The following LMO7 variants were observed in gnomAD, a reference collection of about 807,000 sequenced individuals.
LMO7 encodes the protein LIM domain only protein 7.
In LMO7, 120 loss-of-function variants were observed where a neutral mutation model predicts 206.5. The ratio of observed to expected loss-of-function variants is 0.58; its 90% CI spans 0.50 to 0.68. The LOEUF (loss-of-function observed/expected upper bound fraction) is 0.68, where lower values mean the gene tolerates loss of function less well. Ranked by LOEUF, LMO7 falls within the 30% of genes least tolerant of loss-of-function variation. The pLI, the probability that LMO7 is intolerant of heterozygous loss-of-function variation, is 0.00. For synonymous variants in LMO7, 706 were observed against 681.5 expected (o/e 1.04, Z -0.56); for missense variants, 1,959 against 1,957.9 (o/e 1.00, Z -0.01).
At chr13:75,626,588 TATATAAA>T (rs1295255794) in intron 2 of LMO7, among the ~76,000 whole-genome samples, 6 of 118,174 alleles carry the variant, frequency 5.1e-5, no homozygotes, top group South Asian at 2.5e-4. Flanking sequence ...TATATATATA[TATATAAA>T]TTTTTTTGAG....
chr13:75,790,652 C>A (rs900215579), intron 4 of LMO7, among the ~76,000 whole-genome samples: 7 of 152,122 alleles, frequency 4.6e-5, no homozygotes, highest in Admixed American at 6.5e-5. Context: ...CTAGAGCTTC[C>A]TGGTTCTAAG....
chr13:75,855,330 G>A lies in LMO7; in HGVS notation c.4732G>A (p.Glu1578Lys), dbSNP rs1442514243. 3 of 1,613,696 alleles carry A rather than the reference G, an allele frequency of 1.9e-6. No individual in the cohort carries two copies. Among genetic ancestry groups the A allele is most frequent in the East Asian group, 2.2e-5 (1 of 44,878 alleles). Residue 1578 changes from glutamate to lysine, a missense_variant, in exon 29 of 31, where the codon GAG becomes AAG. Transcript: ENST00000377534. ...GGGCAAAGGAGCCGCCATGATCATCGAGTCCCTGGGTCTTTGTTATCATTT... is the reference window on the plus strand; with the variant it reads ...GGGCAAAGGAGCCGCCATGATCATCAAGTCCCTGGGTCTTTGTTATCATTT... ...ILGKGAAMII[E>K]SLGLCYHLHC...
intron 3 of LMO7, among the ~76,000 whole-genome samples, chr13:75,756,490 C>T (rs542764316): frequency 6.6e-6 from 1 of 152,240 alleles, no homozygotes; most frequent in South Asian, 2.1e-4. Flanking sequence ...TTTAGGGTGG[C>T]ACCAAGAATC....
chr13:75,735,526 A>G (rs1196840367), intron 3 of LMO7, among the ~76,000 whole-genome samples: 1 of 152,016 alleles, frequency 6.6e-6, no homozygotes, highest in Non-Finnish European at 1.5e-5. Flanking sequence ...CAGTGGGGTG[A>G]TCTTGGCTCC....
intron 2 of LMO7, among the ~76,000 whole-genome samples, chr13:75,726,570 C>A (rs1224226324): frequency 6.6e-6 from 1 of 151,956 alleles, no homozygotes; most frequent in Non-Finnish European, 1.5e-5. Context: ...GTCCAGCTCA[C>A]CTTTTAAATG....
intron 1 of LMO7, among the ~76,000 whole-genome samples, chr13:75,702,800 T>C (rs2042367705): frequency 6.6e-6 from 1 of 152,240 alleles, no homozygotes; most frequent in Non-Finnish European, 1.5e-5. Context: ...TGTCATTAAA[T>C]AATTTTTGAA....
At chr13:75,762,917 C>T (rs1455412788) in intron 4 of LMO7, among the ~76,000 whole-genome samples, 1 of 152,156 alleles carries the variant, frequency 6.6e-6, no homozygotes, top group Non-Finnish European at 1.5e-5. Flanking sequence ...AAGTGGCAAG[C>T]AACTTTTTAA....
intron 4 of LMO7, among the ~76,000 whole-genome samples, chr13:75,783,145 G>C (rs955704488): frequency 6.6e-6 from 1 of 152,172 alleles, no homozygotes; most frequent in Non-Finnish European, 1.5e-5. Context: ...TTTATGCACA[G>C]ATGTATTTTA....
At chr13:75,812,524 C>G (rs1203132682) in intron 11 of LMO7, among the ~76,000 whole-genome samples, 2 of 151,318 alleles carry the variant, frequency 1.3e-5, no homozygotes, top group African/African-American at 4.8e-5. Flanking sequence ...CATGCTGGTT[C>G]TTTTCGATCC....
intron 12 of LMO7, 170 bp from the exon 13 acceptor site, chr13:75,819,223 A>G: frequency 1.7e-6 from 1 of 604,282 alleles, no homozygotes. Context: ...CACATGAGAT[A>G]AAGGCTTGGT....
At chr13:75,676,555 A>T (rs148811180) in intron 1 of LMO7, among the ~76,000 whole-genome samples, 150 of 152,232 alleles carry the variant, frequency 9.9e-4, no homozygotes, top group African/African-American at 3.4e-3. Flanking sequence ...GAATTCTGTG[A>T]ATGTCTCTCT....
chr13:75,663,408 T>TTTTTTTTCTTTC (rs1555289861), intron 1 of LMO7, among the ~76,000 whole-genome samples: 3 of 116,266 alleles, frequency 2.6e-5, no homozygotes, highest in African/African-American at 1.0e-4. Context: ...GTGAATTCTT[T>TTTTTTTTCTTTC]TTTCTTTCTT....
intron 3 of LMO7, among the ~76,000 whole-genome samples, chr13:75,738,114 G>A (rs2046101221): frequency 1.3e-5 from 2 of 152,212 alleles, no homozygotes; most frequent in African/African-American, 4.8e-5. Context: ...GGTTGACGTG[G>A]GTACTGTGAA....
rs1175247926 is a variant in LMO7, at chr13:75,848,416, T to C, written c.4151-663T>C. ...TAATTCATTCCTTTTTATGGCTGAG[T>C]AGTATTCCATGCGATTATCTATCTA... On this transcript the variant is annotated intron_variant, in intron 26 of 30. Transcript: ENST00000377534. 2.2e-5 allele frequency among the ~76,000 whole-genome samples: 3 copies of C among 135,190 alleles called. No homozygotes were observed. In the Admixed American group the frequency reaches 2.3e-4, roughly 10 times the overall value. The allele number at this position is 135,190 out of a possible 152,430, so 88.7% of individuals were successfully genotyped here.
At chr13:75,755,004 C>A (rs2047563610) in intron 3 of LMO7, among the ~76,000 whole-genome samples, 1 of 152,134 alleles carries the variant, frequency 6.6e-6, no homozygotes, top group African/African-American at 2.4e-5. Context: ...CATTTGGGGT[C>A]AAGAGAATAA....
chr13:75,648,201 G>T (rs1486390794), intron 1 of LMO7, among the ~76,000 whole-genome samples: 1 of 152,056 alleles, frequency 6.6e-6, no homozygotes, highest in Non-Finnish European at 1.5e-5. Context: ...TCCCACTTTG[G>T]TGTCTGAAAG....
chr13:75,734,456 A>G (rs2045598179), intron 3 of LMO7, among the ~76,000 whole-genome samples: 1 of 152,192 alleles, frequency 6.6e-6, no homozygotes, highest in African/African-American at 2.4e-5. Flanking sequence ...TTTTTACACT[A>G]TTCATGCTGT....
chr13:75,683,154 G>A (rs2040693955), intron 1 of LMO7, among the ~76,000 whole-genome samples: 1 of 151,708 alleles, frequency 6.6e-6, no homozygotes, highest in South Asian at 2.1e-4. Flanking sequence ...CACCTCCTGG[G>A]TTTAAGTGAT....
intron 4 of LMO7, among the ~76,000 whole-genome samples, chr13:75,784,461 C>G (rs978965285): frequency 6.6e-6 from 1 of 151,966 alleles, no homozygotes; most frequent in African/African-American, 2.4e-5. Context: ...TTGAAACCTC[C>G]CACTTATAGG....
Sources: gnomAD v4.1 joint callset for allele counts (sites outside exome capture counted in the v4.1 genomes callset) on GRCh38, gnomAD v4.1.1 for gene constraint, MANE v1.5 for transcripts, NCBI Gene and HGNC (gene_info 2026-07-23, HGNC 2026-07-21) for gene names.